The following NDRG1 variants were observed in gnomAD, a reference collection of about 807,000 sequenced individuals.
NDRG1 encodes N-myc downstream regulated 1.
Under a neutral mutation model 56.9 loss-of-function variants are expected in NDRG1, and 32 were observed. The ratio of observed to expected loss-of-function variants is 0.56; its 90% CI spans 0.42 to 0.76. The LOEUF is 0.76. Ranked by LOEUF, NDRG1 falls within the 30% of genes least tolerant of loss-of-function variation. NDRG1 has a pLI of 0.00. For missense variants in NDRG1, 507 were observed against 545.7 expected, an observed-to-expected ratio of 0.93 and a Z score of 0.71; for synonymous variants, 211 against 204.1, an observed-to-expected ratio of 1.03 and a Z score of -0.29.
intron 1 of NDRG1, among the ~76,000 whole-genome samples, chr8:133,295,234 C>A (rs1197387315): frequency 6.6e-6 from 1 of 152,226 alleles, no homozygotes; most frequent in Non-Finnish European, 1.5e-5. Flanking sequence ...GACCCAGAGC[C>A]ATCCACTTCA....
At chr8:133,284,117 G>A (rs1348876125) in intron 2 of NDRG1, 132 bp downstream of exon 2, 8 of 800,240 alleles carry the variant, frequency 1.0e-5, no homozygotes, top group Non-Finnish European at 1.7e-5. Flanking sequence ...TGTATGCCGT[G>A]TGTATGCTGT....
intron 2 of NDRG1, among the ~76,000 whole-genome samples, chr8:133,280,491 G>A (rs965489077): frequency 6.7e-6 from 1 of 149,626 alleles, no homozygotes; most frequent in African/African-American, 2.5e-5. Context: ...TGGTGTGATC[G>A]CAGCTCACTG....
chr8:133,263,957 C>T (rs2929987), intron 4 of NDRG1, among the ~76,000 whole-genome samples: 1 of 149,894 alleles, frequency 6.7e-6, no homozygotes, highest in Non-Finnish European at 1.5e-5. Context: ...GAAAAAAGAA[C>T]GAATAAAGTG....
intron 15 of NDRG1, 89 bp from the exon 16 acceptor site, chr8:133,239,208 AC>A: frequency 6.5e-7 from 1 of 1,533,916 alleles, no homozygotes; most frequent in Non-Finnish European, 8.8e-7. Context: ...ATGCTCTTCT[AC>A]GTGCCAGCCC....
chr8:133,281,523 T>C (rs1857800659), intron 2 of NDRG1, among the ~76,000 whole-genome samples: 1 of 152,126 alleles, frequency 6.6e-6, no homozygotes, highest in South Asian at 2.1e-4. Context: ...CCAACATTTC[T>C]AAGAGATGTT....
chr8:133,246,568 G>C (rs200736903), intron 13 of NDRG1, 48 bp downstream of exon 13: 5 of 1,595,212 alleles, frequency 3.1e-6, no homozygotes, highest in East Asian at 2.2e-5. Context: ...AAACGTCTGA[G>C]AGTTTCTAAG....
intron 3 of NDRG1, among the ~76,000 whole-genome samples, chr8:133,267,322 G>A (rs1026391427): frequency 2.0e-5 from 3 of 152,198 alleles, no homozygotes; most frequent in Non-Finnish European, 4.4e-5. Flanking sequence ...GTGGTTACCA[G>A]GTGAGGGTGG....
Position 133,248,776 on chromosome 8 carries a change from A to C in NDRG1, c.699-5T>G. 1 of 1,614,184 alleles carries C rather than the reference A, an allele frequency of 6.2e-7. No individual in the cohort carries two copies. The highest frequency in any genetic ancestry group is 8.5e-7 in the Non-Finnish European group (1 of 1,180,042). On this transcript the variant is annotated splice_polypyrimidine_tract_variant and splice_region_variant and intron_variant, in intron 10 of 15. Transcript: ENST00000323851. ...TCAATCTCCAGGTCGCGCCGGCTGC[A>C]GGAAACAAATGCATCATTAGCATGA...
Position 133,244,518 on chromosome 8 carries a change from G to A in NDRG1, c.856-128C>T, listed in dbSNP as rs951861476. ...CTGCCTTGTCCTGCCTTACAAAGGA[G>A]GAACAGGGTGGACCGTGGGTAGGGA... On this transcript the variant is annotated intron_variant, in intron 13 of 15. Transcript: ENST00000323851. 3.7e-6 allele frequency: 4 copies of A among 1,073,064 alleles called. No homozygotes were observed. In the African/African-American group the frequency reaches 4.7e-5, roughly 13 times the overall value. 66.5% of individuals were successfully genotyped at this position (1,073,064 alleles called of 1,614,324 possible).
intron 3 of NDRG1, among the ~76,000 whole-genome samples, chr8:133,278,308 T>C (rs1586477534): frequency 6.6e-6 from 1 of 151,990 alleles, no homozygotes; most frequent in Admixed American, 6.5e-5. Context: ...AAAAAGAGGA[T>C]TGCTACCATA....
At chr8:133,283,040 A>T (rs1251687647) in intron 2 of NDRG1, among the ~76,000 whole-genome samples, 3 of 152,214 alleles carry the variant, frequency 2.0e-5, no homozygotes, top group Admixed American at 6.5e-5. Flanking sequence ...TGAACCTAAA[A>T]CAGAGCAGCC....
At chr8:133,244,234 T>G (rs1384187437) in intron 14 of NDRG1, 121 bp downstream of exon 14, 9 of 1,268,276 alleles carry the variant, frequency 7.1e-6, no homozygotes, top group Non-Finnish European at 1.0e-5. Flanking sequence ...TTCCCAACAG[T>G]CCACAAACTG....
At chr8:133,256,612 G>A (rs113458867) in intron 8 of NDRG1, among the ~76,000 whole-genome samples, 165 bp downstream of exon 8, 1 of 152,242 alleles carries the variant, frequency 6.6e-6, no homozygotes, top group Non-Finnish European at 1.5e-5. Flanking sequence ...GAGGTCATGT[G>A]TACTGTTCTA....
At chr8:133,276,132 C>G (rs1857444226) in intron 3 of NDRG1, among the ~76,000 whole-genome samples, 1 of 152,182 alleles carries the variant, frequency 6.6e-6, no homozygotes, top group African/African-American at 2.4e-5. Context: ...AAATCTTATC[C>G]TGACCTCTGC....
chr8:133,243,001 C>T (rs969079742), intron 14 of NDRG1, among the ~76,000 whole-genome samples: 3 of 152,216 alleles, frequency 2.0e-5, no homozygotes, highest in African/African-American at 7.2e-5. Context: ...TTAATGTAAA[C>T]TTGGAGGTGA....
At chr8:133,283,364 G>C (rs1319400177) in intron 2 of NDRG1, among the ~76,000 whole-genome samples, 1 of 152,196 alleles carries the variant, frequency 6.6e-6, no homozygotes, top group Non-Finnish European at 1.5e-5. Context: ...TTTTTAAAAA[G>C]ACATATCAGA....
At chr8:133,247,797 G>A (rs577382067) in intron 12 of NDRG1, 78 bp downstream of exon 12, 1 of 1,477,360 alleles carries the variant, frequency 6.8e-7, no homozygotes, top group African/African-American at 1.4e-5. Context: ...AGGAGGGGCA[G>A]GCAGGGCCAC....
intron 3 of NDRG1, among the ~76,000 whole-genome samples, chr8:133,266,121 G>T (rs1319689599): frequency 6.6e-6 from 1 of 152,238 alleles, no homozygotes; most frequent in Non-Finnish European, 1.5e-5. Context: ...GCTGGCTGAG[G>T]AAGTGAAGTC....
chr8:133,259,084 G>A, intron 6 of NDRG1, 84 bp downstream of exon 6: 1 of 1,432,940 alleles, frequency 7.0e-7, no homozygotes, highest in Non-Finnish European at 9.8e-7. Flanking sequence ...TTAGTGGTCA[G>A]TCCAGATCAA....
Sources: allele counts gnomAD v4.1 joint callset (sites outside exome capture counted in the v4.1 genomes callset), GRCh38; gene constraint gnomAD v4.1.1; transcripts MANE v1.5; gene names NCBI Gene and HGNC (gene_info 2026-07-23, HGNC 2026-07-21).